The following ABCC11 variants were observed in gnomAD, a reference collection of about 807,000 sequenced individuals.
ABCC11 encodes the protein ATP binding cassette subfamily C member 11.
ABCC11 carries 135 observed loss-of-function variants against 149.3 expected under a neutral mutation model. That is an observed-to-expected ratio of 0.90 (90% CI 0.79 to 1.04). ABCC11 has a LOEUF of 1.04. ABCC11 is among the 50% of genes least tolerant of loss of function. The probability of loss-of-function intolerance (pLI) is 0.00; values close to 1 mark genes in which losing one functional copy is unlikely to be tolerated. For missense variants in ABCC11, 1,680 were observed against 1,722.1 expected, an observed-to-expected ratio of 0.98 and a Z score of 0.43; for synonymous variants, 665 against 671.4, an observed-to-expected ratio of 0.99 and a Z score of 0.15.
chr16:48,168,025 T>G (rs1373568257), intron 28 of ABCC11, among the ~76,000 whole-genome samples: 2 of 152,238 alleles, frequency 1.3e-5, no homozygotes, highest in Admixed American at 1.3e-4. Context: ...AGGAGGCACA[T>G]GAGATGATTT....
rs1965325212 is a variant in ABCC11, at chr16:48,166,066, T to C, written c.*1208A>G. On this transcript the variant is annotated 3_prime_UTR_variant, in exon 30 of 30. Transcript: ENST00000356608. ...GCTGCTATCTGGGGCCTGGCCAGCA[T>C]CCATATCCATTCTTCCCTCAGGCAC... Among the ~76,000 whole-genome samples the C allele has an allele frequency of 6.6e-6, 1 of 152,232 alleles. No individual in the cohort carries two copies. The highest frequency in any genetic ancestry group is 2.4e-5 in the African/African-American group (1 of 41,456).
chr16:48,211,238 G>T (rs758459029), intron 10 of ABCC11, 39 bp from the exon 11 acceptor site: 1 of 1,596,952 alleles, frequency 6.3e-7, no homozygotes, highest in South Asian at 1.1e-5. Context: ...GAGGAATACA[G>T]TTCTTTAGTT....
intron 19 of ABCC11, among the ~76,000 whole-genome samples, chr16:48,193,371 A>G (rs1463752907): frequency 3.3e-5 from 5 of 152,200 alleles, no homozygotes; most frequent in Admixed American, 1.3e-4. Context: ...ACCAAGTTCA[A>G]GTTCCGGCCC....
intron 7 of ABCC11, among the ~76,000 whole-genome samples, chr16:48,215,898 G>C (rs1316175871): frequency 6.6e-6 from 1 of 152,192 alleles, no homozygotes; most frequent in Non-Finnish European, 1.5e-5. Context: ...AGAAAGCTAC[G>C]AGGTAGACTT....
chr16:48,197,933 G>A (rs2150808194), intron 17 of ABCC11, 38 bp downstream of exon 17: 1 of 1,604,580 alleles, frequency 6.2e-7, no homozygotes, highest in South Asian at 1.1e-5. Flanking sequence ...ACCCAGGCAG[G>A]CATGCAGACA....
Position 48,192,722 on chromosome 16 carries a change from A to C in ABCC11, c.2509-5T>G. ...GCTCTCTCGGCTGCTATTGGTCTTCAAGAAAGAACAGGGGGTCTGACTGCA... is the reference window on the plus strand; with the variant it reads ...GCTCTCTCGGCTGCTATTGGTCTTCCAGAAAGAACAGGGGGTCTGACTGCA... On this transcript the variant is annotated splice_region_variant and splice_polypyrimidine_tract_variant and intron_variant, in intron 19 of 29. Coordinates refer to ENST00000356608, the MANE Select transcript of ABCC11 (RefSeq NM_001370497.1). The C allele has an allele frequency of 6.2e-7, 1 of 1,614,152 alleles. No individual in the cohort carries two copies. Among genetic ancestry groups the C allele is most frequent in the East Asian group, 2.2e-5 (1 of 44,880 alleles).
rs746872251 is a variant in ABCC11, at chr16:48,215,364, A to G, written c.952-20T>C. The G allele has an allele frequency of 6.2e-7, 1 of 1,606,710 alleles. No homozygotes were observed. Among genetic ancestry groups the G allele is most frequent in the Non-Finnish European group, 8.5e-7 (1 of 1,174,380 alleles). On this transcript the variant is annotated intron_variant, in intron 7 of 29. Coordinates refer to ENST00000356608, the MANE Select transcript of ABCC11 (RefSeq NM_001370497.1). ...GAATACCTGGAGTCAGGATACAGCAAGTTTGGAGTTGATCTGCAAGGGCTT... is the reference window on the plus strand; with the variant it reads ...GAATACCTGGAGTCAGGATACAGCAGGTTTGGAGTTGATCTGCAAGGGCTT...
intron 23 of ABCC11, 144 bp from the exon 24 acceptor site, chr16:48,178,830 G>A: frequency 1.4e-6 from 1 of 697,404 alleles, no homozygotes; most frequent in Admixed American, 2.7e-5. Context: ...TGGAGCAGAG[G>A]CCCCTGGTGC....
Position 48,192,661 on chromosome 16 carries a change from G to A in ABCC11, c.2565C>T (p.Asp855=), listed in dbSNP as rs747614453. 1 of 1,614,110 alleles carries A rather than the reference G, an allele frequency of 6.2e-7. No individual in the cohort carries two copies. Among genetic ancestry groups the A allele is most frequent in the Admixed American group, 1.7e-5 (1 of 60,010 alleles). The change falls in exon 20 of 30, where the codon GAC becomes GAT. Residue 855 remains aspartate, a synonymous_variant. Transcript: ENST00000356608. ...GTMADLGNIA[D]NPQLSFYQLV... ...GCTGGTAGAAGGACAGTTGAGGATT[G>A]TCTGCAATGTTGCCCAGGTCTGCCA...
In ABCC11 at chr16:48,205,514, C is replaced by T. The variant is rs1000452958; in HGVS notation, c.1704G>A (p.Val568=). The T allele has an allele frequency of 1.2e-6, 2 of 1,614,108 alleles. No homozygotes were observed. The highest frequency in any genetic ancestry group is 1.7e-6 in the Non-Finnish European group (2 of 1,180,012). ...CATAGGCCAGGCTTCCCTGCACCCC[C>T]ACCGAGCCCTCGAGCAAGTGCATCT... ...LEEMHLLEGS[V]GVQGSLAYVP... The change falls in exon 13 of 30, where the codon GTG becomes GTA. Residue 568 remains valine, a synonymous_variant. Transcript: ENST00000356608.
intron 1 of ABCC11, among the ~76,000 whole-genome samples, chr16:48,240,660 A>G (rs2150939700): frequency 6.6e-6 from 1 of 152,174 alleles, no homozygotes; most frequent in South Asian, 2.1e-4. Context: ...GCACATCTGC[A>G]CATGTACCCC....
chr16:48,177,160 C>A, intron 24 of ABCC11, 47 bp from the exon 25 acceptor site: 1 of 1,565,492 alleles, frequency 6.4e-7, no homozygotes, highest in Admixed American at 1.7e-5. Context: ...TCATCTATCT[C>A]GGCCCATCCC....
Position 48,211,182 on chromosome 16 carries a change from C to A in ABCC11, c.1374G>T (p.Glu458Asp). The A allele has an allele frequency of 6.2e-7, 1 of 1,613,946 alleles. No individual in the cohort carries two copies. Among genetic ancestry groups the A allele is most frequent in the Non-Finnish European group, 8.5e-7 (1 of 1,179,978 alleles). Reference sequence around the variant, plus strand: ...ATGTCTGGACATAGAAAACAGGGCTCTCCTGGAGGAAAAACTTCTGTAAAG... The same window carrying A: ...ATGTCTGGACATAGAAAACAGGGCTATCCTGGAGGAAAAACTTCTGTAAAG... ...VMRFKKFFLQ[E>D]SPVFYVQTLQ... Residue 458 changes from glutamate to aspartate, a missense_variant, in exon 11 of 30, where the codon GAG becomes GAT. Coordinates refer to ENST00000356608, the MANE Select transcript of ABCC11 (RefSeq NM_001370497.1).
intron 9 of ABCC11, among the ~76,000 whole-genome samples, chr16:48,214,421 C>T (rs1022402261): frequency 3.9e-5 from 6 of 152,150 alleles, no homozygotes; most frequent in African/African-American, 1.4e-4. Flanking sequence ...ACCACCCCTC[C>T]AAGAGCAGCA....
intron 23 of ABCC11, among the ~76,000 whole-genome samples, chr16:48,183,537 G>T (rs1966572950): frequency 1.3e-5 from 2 of 152,204 alleles, no homozygotes; most frequent in South Asian, 4.1e-4. Flanking sequence ...CGAGGCCAGT[G>T]GATCACTTGA....
At chr16:48,200,891 T>C (rs1967913753) in intron 14 of ABCC11, among the ~76,000 whole-genome samples, 1 of 152,170 alleles carries the variant, frequency 6.6e-6, no homozygotes, top group Non-Finnish European at 1.5e-5. Context: ...TAGATAGGAT[T>C]GAAAAGTTCT....
At chr16:48,200,003 C>T (rs1967806822) in intron 15 of ABCC11, among the ~76,000 whole-genome samples, 1 of 152,036 alleles carries the variant, frequency 6.6e-6, no homozygotes, top group African/African-American at 2.4e-5. Context: ...AGTTGAAAAG[C>T]AGGGGTCTAC....
At chr16:48,232,416 C>T (rs1970474939) in intron 1 of ABCC11, 1 of 152,702 alleles carries the variant, frequency 6.5e-6, no homozygotes. Context: ...AGAGCAGGTG[C>T]TCAATAAATG....
intron 23 of ABCC11, among the ~76,000 whole-genome samples, chr16:48,180,382 A>ACAAAGC (rs1227051359): frequency 3.3e-5 from 5 of 152,240 alleles, no homozygotes; most frequent in Admixed American, 3.3e-4. Context: ...AGACTTGCAG[A>ACAAAGC]CAAAGCCAGG....
Sources: gnomAD v4.1 joint callset for allele counts (sites outside exome capture counted in the v4.1 genomes callset) on GRCh38, gnomAD v4.1.1 for gene constraint, MANE v1.5 for transcripts, NCBI Gene and HGNC (gene_info 2026-07-23, HGNC 2026-07-21) for gene names.